Variants in TASP1 observed in about 807,000 individuals in gnomAD.
The protein encoded by TASP1 is threonine aspartase 1.
A neutral mutation model predicts 56.6 loss-of-function variants in TASP1; 16 were observed. The ratio of observed to expected loss-of-function variants is 0.28; its 90% CI spans 0.19 to 0.43. TASP1 has a LOEUF of 0.43. Ranked by LOEUF, TASP1 falls within the 20% of genes least tolerant of loss-of-function variation. The pLI, the probability that TASP1 is intolerant of heterozygous loss-of-function variation, is 1.00. For missense variants in TASP1, 393 were observed against 511.6 expected (o/e 0.77, Z 2.24); for synonymous variants, 179 against 184.2 (o/e 0.97, Z 0.23).
chr20:13,412,384 A>C (rs2042121015), intron 13 of TASP1, among the ~76,000 whole-genome samples: 1 of 152,144 alleles, frequency 6.6e-6, no homozygotes. Flanking sequence ...TCTGGAATTT[A>C]GTTTACTTAG....
rs1197117851 is a variant in TASP1 at position 13,636,824 on chromosome 20, T to C, written c.-75+2070A>G. 2.0e-5 allele frequency among the ~76,000 whole-genome samples: 3 copies of C among 152,044 alleles called. No individual in the cohort carries two copies. The East Asian group carries it at 5.8e-4, about 29-fold the overall frequency. On this transcript the variant is annotated intron_variant, in intron 1 of 13. Transcript: ENST00000337743. The stretch of plus-strand genomic sequence containing the variant: ...GCTAGAACTGGATAGCCACATGCAA[T>C]AGAATGAAACTGAACTCCTACCTCA...
At chr20:13,475,100 G>A (rs1457850136) in intron 11 of TASP1, among the ~76,000 whole-genome samples, 3 of 152,068 alleles carry the variant, frequency 2.0e-5, no homozygotes. Context: ...CAACATTGTT[G>A]AGACTTCCCA....
At chr20:13,413,386 T>A (rs1039724743) in intron 13 of TASP1, among the ~76,000 whole-genome samples, 1 of 151,972 alleles carries the variant, frequency 6.6e-6, no homozygotes, top group African/African-American at 2.4e-5. Flanking sequence ...TTTTTTTTTT[T>A]AAGAAAAGCT....
At chr20:13,619,194 G>A (rs1169070527) in intron 4 of TASP1, among the ~76,000 whole-genome samples, 6 of 151,988 alleles carry the variant, frequency 3.9e-5, no homozygotes, top group Non-Finnish European at 8.8e-5. Flanking sequence ...CACCGTGCCC[G>A]GCCCCTATCA....
chr20:13,392,721 G>A lies in TASP1; in HGVS notation c.1171-2269C>T, dbSNP rs139803146. ...GTAAAAAGATTTGGCAGTATCGGGCGCTGGTCACCAGGGCTGCTTTTAACT... is the reference window on the plus strand; with the variant it reads ...GTAAAAAGATTTGGCAGTATCGGGCACTGGTCACCAGGGCTGCTTTTAACT... On this transcript the variant is annotated intron_variant, in intron 13 of 13. Transcript: ENST00000337743. 89 of 570,556 alleles carry A rather than the reference G, an allele frequency of 1.6e-4. No individual in the cohort carries two copies. In the East Asian group the frequency reaches 3.2e-3, roughly 20 times the overall value. 35.3% of individuals were successfully genotyped at this position (570,556 alleles called of 1,614,324 possible). A position where few individuals can be genotyped will look rare whatever the true frequency, so the allele number is the denominator to read the frequency against.
At chr20:13,107,133 C>T in the TASP1 span, among the ~76,000 whole-genome samples, 3 of 152,198 alleles carry the variant, frequency 2.0e-5, no homozygotes, top group Admixed American at 2.0e-4. Context: ...GTTCCAGACC[C>T]CAGGGATACT....
At position 13,587,223 on chromosome 20, in the gene TASP1, A is replaced by C. The variant is rs781131983; in HGVS notation, c.403+27T>G. 4.4e-6 allele frequency: 7 copies of C among 1,583,512 alleles called. No homozygotes were observed. In the East Asian group the frequency reaches 6.8e-5, roughly 15 times the overall value. On this transcript the variant is annotated intron_variant, in intron 5 of 13. Coordinates refer to ENST00000337743, the MANE Select transcript of TASP1 (RefSeq NM_017714.3). The stretch of plus-strand genomic sequence containing the variant: ...AATGGTCACGTGCATGATTTTCCAA[A>C]GATAGTAGGTCATAATGCCCACATA...
At chr20:13,610,777 G>T (rs527590560) in intron 4 of TASP1, among the ~76,000 whole-genome samples, 3 of 152,032 alleles carry the variant, frequency 2.0e-5, no homozygotes, top group African/African-American at 7.2e-5. Flanking sequence ...GAAAGCTAGG[G>T]AATCATCATT....
At chr20:13,262,551 C>T in the TASP1 span, among the ~76,000 whole-genome samples, 1 of 151,886 alleles carries the variant, frequency 6.6e-6, no homozygotes, top group African/African-American at 2.4e-5. Context: ...ATTTATCCTT[C>T]ATTTCAGTTC....
At chr20:13,265,663 G>C in the TASP1 span, among the ~76,000 whole-genome samples, 3 of 152,122 alleles carry the variant, frequency 2.0e-5, no homozygotes, top group Non-Finnish European at 4.4e-5. Flanking sequence ...AAAACCTCTT[G>C]CAATTGTGAT....
chr20:13,255,220 AAGAG>A, the TASP1 span, among the ~76,000 whole-genome samples: 1 of 152,228 alleles, frequency 6.6e-6, no homozygotes. Flanking sequence ...TGAAGGATAG[AAGAG>A]AGAATGATGG....
At chr20:13,146,474 C>T in the TASP1 span, among the ~76,000 whole-genome samples, 1 of 151,982 alleles carries the variant, frequency 6.6e-6, no homozygotes, top group East Asian at 1.9e-4. Flanking sequence ...CCCAGAAGGC[C>T]CTCAGCTTCC....
At chr20:13,476,121 A>G (rs1036417041) in intron 11 of TASP1, among the ~76,000 whole-genome samples, 4 of 152,194 alleles carry the variant, frequency 2.6e-5, no homozygotes, top group African/African-American at 9.6e-5. Flanking sequence ...CTCCATCTCA[A>G]ATAAATAAAT....
intron 7 of TASP1, among the ~76,000 whole-genome samples, chr20:13,567,698 G>A (rs1262012221): frequency 6.6e-6 from 1 of 152,038 alleles, no homozygotes; most frequent in African/African-American, 2.4e-5. Flanking sequence ...CTGGAAACCA[G>A]ATGATAAGAG....
intron 2 of TASP1, among the ~76,000 whole-genome samples, chr20:13,627,733 T>TAAAAAAA (rs35542097): frequency 8.4e-6 from 1 of 119,520 alleles, no homozygotes; most frequent in Non-Finnish European, 1.6e-5. Context: ...AACTTAGTCT[T>TAAAAAAA]AAAAAAAAAA....
chr20:13,212,129 C>T, the TASP1 span, among the ~76,000 whole-genome samples: 1 of 152,142 alleles, frequency 6.6e-6, no homozygotes, highest in South Asian at 2.1e-4. Flanking sequence ...TCTTTATTTC[C>T]CAACTGTTCT....
the TASP1 span, among the ~76,000 whole-genome samples, chr20:13,124,065 T>C: frequency 6.6e-6 from 1 of 152,242 alleles, no homozygotes; most frequent in Non-Finnish European, 1.5e-5. Context: ...CTGTGGCTGA[T>C]GAATTCAGTC....
intron 11 of TASP1, among the ~76,000 whole-genome samples, chr20:13,437,393 G>A (rs1393461731): frequency 1.3e-5 from 2 of 152,128 alleles, no homozygotes; most frequent in Non-Finnish European, 2.9e-5. Flanking sequence ...CAAATCCACA[G>A]CCAATATTGT....
At chr20:13,204,808 G>A in the TASP1 span, among the ~76,000 whole-genome samples, 1 of 152,160 alleles carries the variant, frequency 6.6e-6, no homozygotes, top group Non-Finnish European at 1.5e-5. Context: ...TGTAAGTAGT[G>A]AGAGTATCTT....
Sources: gnomAD v4.1 joint callset for allele counts (sites outside exome capture counted in the v4.1 genomes callset) on GRCh38, gnomAD v4.1.1 for gene constraint, MANE v1.5 for transcripts, NCBI Gene and HGNC (gene_info 2026-07-23, HGNC 2026-07-21) for gene names.